TLL1: variants seen among roughly 807,000 people sequenced by gnomAD.
TLL1 encodes tolloid like 1.
In TLL1, 49 loss-of-function variants were observed where a neutral mutation model predicts 128.2. The ratio of observed to expected loss-of-function variants is 0.38; its 90% CI spans 0.30 to 0.48. The LOEUF (loss-of-function observed/expected upper bound fraction) is 0.48. Among genes scored for constraint, TLL1 ranks in the 20% least tolerant of loss-of-function variants. The pLI is 0.96. For missense variants in TLL1, 1,123 were observed against 1,242.0 expected (o/e 0.90, Z 1.44); for synonymous variants, 454 against 418.8 (o/e 1.08, Z -1.03).
At position 166,003,535 on chromosome 4, in the gene TLL1, C is replaced by A; in HGVS notation, c.777C>A (p.Asn259Lys). The stretch of plus-strand genomic sequence containing the variant: ...AACACACAAGACCAGATCGAGATAA[C>A]CACGTAACTATCATAAGAGAAAACA... ...WHEHTRPDRD[N>K]HVTIIRENIQ... Residue 259 changes from asparagine to lysine, a missense_variant, in exon 6 of 21, where the codon AAC becomes AAA. Physicochemically the swap from Asn to Lys is moderately conservative, Grantham distance 94. This residue lies in a region of TLL1 where 480 missense variants were observed against 542.4 expected (regional missense o/e 0.89). Transcript: ENST00000061240. 6.2e-7 allele frequency: 1 copy of A among 1,613,978 alleles called. No individual in the cohort carries two copies. The highest frequency in any genetic ancestry group is 1.1e-5 in the South Asian group (1 of 91,084).
Position 166,101,129 on chromosome 4 carries a change from G to C in TLL1, c.*253G>C, listed in dbSNP as rs1742266774. ...AAAGGGCATCATATACTTCAAGGAA[G>C]ACTCTACAAGCTTTTGTTCACAGCT... On this transcript the variant is annotated 3_prime_UTR_variant, in exon 21 of 21. Coordinates refer to ENST00000061240, the MANE Select transcript of TLL1 (RefSeq NM_012464.5). The C allele has an allele frequency of 2.2e-6, 1 of 446,548 alleles. No individual in the cohort carries two copies. The highest frequency in any genetic ancestry group is 2.2e-5 in the South Asian group (1 of 44,848). The allele number at this position is 446,548 out of a possible 1,614,324, so 27.7% of individuals were successfully genotyped here.
intron 1 of TLL1, among the ~76,000 whole-genome samples, chr4:165,943,384 C>T (rs1315301035): frequency 3.9e-5 from 6 of 151,950 alleles, no homozygotes. Flanking sequence ...TCTGAGAGAG[C>T]CTTGTGAGTT....
At chr4:165,980,302 T>C (rs763340832) in intron 1 of TLL1, among the ~76,000 whole-genome samples, 6 of 152,102 alleles carry the variant, frequency 3.9e-5, no homozygotes, top group Non-Finnish European at 5.9e-5. Context: ...TGTAATGGAT[T>C]CAGGAACATG....
intron 1 of TLL1, among the ~76,000 whole-genome samples, chr4:165,876,526 T>C (rs1204288873): frequency 6.6e-6 from 1 of 152,210 alleles, no homozygotes; most frequent in Non-Finnish European, 1.5e-5. Flanking sequence ...AGGGTCTTCA[T>C]ATTCCTCAAA....
chr4:165,959,908 G>T (rs895615033), intron 1 of TLL1, among the ~76,000 whole-genome samples: 1 of 151,994 alleles, frequency 6.6e-6, no homozygotes, highest in African/African-American at 2.4e-5. Context: ...TCAAATTAAT[G>T]ATCAAATATC....
intron 1 of TLL1, among the ~76,000 whole-genome samples, chr4:165,951,418 C>G (rs556541728): frequency 6.6e-6 from 1 of 152,000 alleles, no homozygotes; most frequent in Non-Finnish European, 1.5e-5. Flanking sequence ...GAATGGAACC[C>G]CTAACAAAAA....
intron 12 of TLL1, among the ~76,000 whole-genome samples, chr4:166,044,688 G>T (rs191224482): frequency 6.6e-6 from 1 of 151,770 alleles, no homozygotes; most frequent in East Asian, 1.9e-4. Flanking sequence ...GTTTATTGTT[G>T]ATAGTTAATT....
rs1046402303 is a variant in TLL1, at chr4:166,103,190, T to C, written c.*2314T>C. 1 of 151,876 alleles carries C rather than the reference T, an allele frequency of 6.6e-6. No individual in the cohort carries two copies. Among genetic ancestry groups the C allele is most frequent in the Non-Finnish European group, 1.5e-5 (1 of 67,876 alleles). 9.4% of individuals were successfully genotyped at this position (151,876 alleles called of 1,614,324 possible). A position where few individuals can be genotyped will look rare whatever the true frequency, so the allele number is the denominator to read the frequency against. On this transcript the variant is annotated 3_prime_UTR_variant, in exon 21 of 21. Coordinates refer to ENST00000061240, the MANE Select transcript of TLL1 (RefSeq NM_012464.5). ...TGCTTGTTCTACAAAGGTAGTAGAA[T>C]CAATCTCGACCTATATAAATAGTAG...
intron 5 of TLL1, among the ~76,000 whole-genome samples, chr4:166,002,243 G>A (rs72974317): frequency 6.6e-6 from 1 of 152,034 alleles, no homozygotes; most frequent in Non-Finnish European, 1.5e-5. Context: ...TATAAAGGCA[G>A]TGATCTCTTC....
chr4:166,005,334 T>C (rs563713014), intron 6 of TLL1, among the ~76,000 whole-genome samples: 1 of 151,894 alleles, frequency 6.6e-6, no homozygotes, highest in Non-Finnish European at 1.5e-5. Context: ...AAAATTGACA[T>C]AGATTTCACT....
intron 13 of TLL1, 99 bp from the exon 14 acceptor site, chr4:166,057,085 A>G: frequency 2.1e-6 from 3 of 1,402,822 alleles, no homozygotes; most frequent in East Asian, 2.3e-5. Context: ...GGGAGATATC[A>G]TTCAAGGTGA....
At chr4:166,036,978 A>T (rs1393687786) in intron 9 of TLL1, among the ~76,000 whole-genome samples, 1 of 152,140 alleles carries the variant, frequency 6.6e-6, no homozygotes, top group Non-Finnish European at 1.5e-5. Flanking sequence ...ATCATTATAA[A>T]ACTACCCTTT....
chr4:166,012,878 T>G (rs1195756369), intron 7 of TLL1, among the ~76,000 whole-genome samples: 1 of 151,782 alleles, frequency 6.6e-6, no homozygotes, highest in South Asian at 2.1e-4. Context: ...GTGTTATCTA[T>G]AGATCAGTGC....
intron 7 of TLL1, among the ~76,000 whole-genome samples, chr4:166,008,855 C>A (rs1737554722): frequency 6.8e-6 from 1 of 147,972 alleles, no homozygotes; most frequent in African/African-American, 2.5e-5. Context: ...ACATCTATTT[C>A]TGAAGGCAAG....
chr4:166,031,853 A>G lies in TLL1; in HGVS notation c.1158+6422A>G, dbSNP rs1198290542. On this transcript the variant is annotated intron_variant, in intron 9 of 20. Coordinates refer to ENST00000061240, the MANE Select transcript of TLL1 (RefSeq NM_012464.5). ...TAGGAGTAGAAGGAATTTTTTAAAA[A>G]TACAATAAATAGAAAAAACCTAGTA... Among the ~76,000 whole-genome samples, 12 of 152,196 alleles carry G rather than the reference A, an allele frequency of 7.9e-5. 1 individual carries two copies. The highest frequency in any genetic ancestry group is 7.9e-4 in the Admixed American group (12 of 15,266).
At chr4:165,915,440 T>C (rs769485851) in intron 1 of TLL1, among the ~76,000 whole-genome samples, 2 of 152,190 alleles carry the variant, frequency 1.3e-5, no homozygotes, top group Non-Finnish European at 2.9e-5. Context: ...AATTACAGGT[T>C]TATAGCTTTC....
intron 10 of TLL1, among the ~76,000 whole-genome samples, chr4:166,041,238 C>T (rs1268712964): frequency 6.6e-6 from 1 of 151,610 alleles, no homozygotes; most frequent in Non-Finnish European, 1.5e-5. Flanking sequence ...CTCAGGAGTG[C>T]TGTTGAACCT....
intron 10 of TLL1, among the ~76,000 whole-genome samples, chr4:166,040,742 A>G (rs1739200257): frequency 6.6e-6 from 1 of 152,214 alleles, no homozygotes; most frequent in Non-Finnish European, 1.5e-5. Context: ...GATGCACACT[A>G]CAGTTTAAAA....
chr4:165,952,399 G>A (rs1734567798), intron 1 of TLL1, among the ~76,000 whole-genome samples: 1 of 152,120 alleles, frequency 6.6e-6, no homozygotes, highest in African/African-American at 2.4e-5. Context: ...ACTTGCTTGG[G>A]AGTTAATTCT....
Sources: allele counts gnomAD v4.1 joint callset (sites outside exome capture counted in the v4.1 genomes callset), GRCh38; gene constraint gnomAD v4.1.1; regional missense constraint gnomAD v4.1.1; transcripts MANE v1.5; gene names NCBI Gene and HGNC (gene_info 2026-07-23, HGNC 2026-07-21).